Variants in SNX18 observed in about 807,000 individuals in gnomAD.
SNX18 encodes sorting nexin 18.
SNX18 carries 35 observed loss-of-function variants against 48.7 expected under a neutral mutation model. The observed-to-expected ratio is 0.72, with a 90% CI of 0.55 to 0.95. SNX18 has a LOEUF of 0.95. Ranked by LOEUF, SNX18 falls within the 40% of genes least tolerant of loss-of-function variation. SNX18 has a pLI of 0.00. For missense variants in SNX18, 824 were observed against 871.0 expected (o/e 0.95, Z 0.68); for synonymous variants, 492 against 384.7 (o/e 1.28, Z -3.26).
At chr5:54,641,985 A>G in the SNX18 span, among the ~76,000 whole-genome samples, 110 of 152,236 alleles carry the variant, frequency 7.2e-4, no homozygotes, top group Non-Finnish European at 1.5e-4. Flanking sequence ...TTGAAAAATC[A>G]GACAGTGATT....
chr5:54,585,896 T>A, the SNX18 span, among the ~76,000 whole-genome samples: 1 of 150,632 alleles, frequency 6.6e-6, no homozygotes, highest in Non-Finnish European at 1.5e-5. Flanking sequence ...TCCCAGCTAC[T>A]AGGAAGGCTG....
chr5:54,590,780 C>T, the SNX18 span, among the ~76,000 whole-genome samples: 51,242 of 152,100 alleles, frequency 0.34, 10,029 homozygotes, highest in Non-Finnish European at 0.42. Context: ...CCTGTCCACA[C>T]GGCTAGTGTG....
At chr5:54,642,791 T>C in the SNX18 span, among the ~76,000 whole-genome samples, 10 of 152,210 alleles carry the variant, frequency 6.6e-5, no homozygotes, top group Non-Finnish European at 1.5e-4. Context: ...AGAAAATCAA[T>C]ACATTTGCTC....
the SNX18 span, among the ~76,000 whole-genome samples, chr5:54,576,542 C>T: frequency 4.6e-5 from 7 of 152,188 alleles, no homozygotes; most frequent in Non-Finnish European, 7.3e-5. Context: ...TTTGCCCTAA[C>T]GGCACTGGTG....
chr5:54,540,493 A>C (rs1272024330), intron 1 of SNX18, among the ~76,000 whole-genome samples: 1 of 152,200 alleles, frequency 6.6e-6, no homozygotes, highest in Non-Finnish European at 1.5e-5. Flanking sequence ...CCGGGATTTT[A>C]GGCATAAGCC....
At chr5:54,551,917 T>G in the SNX18 span, among the ~76,000 whole-genome samples, 1 of 152,186 alleles carries the variant, frequency 6.6e-6, no homozygotes, top group African/African-American at 2.4e-5. Flanking sequence ...CAATCCTAAA[T>G]TGCCCTCTAT....
At chr5:54,582,376 A>T in the SNX18 span, among the ~76,000 whole-genome samples, 1 of 152,186 alleles carries the variant, frequency 6.6e-6, no homozygotes, top group African/African-American at 2.4e-5. Context: ...ATGAGCATTG[A>T]CTAGAAAAGC....
intron 1 of SNX18, chr5:54,521,059 G>A (rs1395627720): frequency 1.3e-5 from 2 of 155,182 alleles, no homozygotes; most frequent in Non-Finnish European, 2.9e-5. Context: ...TTTTTGACTG[G>A]TGTTGGTGGA....
the SNX18 span, among the ~76,000 whole-genome samples, chr5:54,622,619 T>C: frequency 6.8e-6 from 1 of 148,020 alleles, no homozygotes; most frequent in South Asian, 2.1e-4. Flanking sequence ...TAAATATATA[T>C]AAGTATATAT....
chr5:54,541,794 G>A (rs1009114509), intron 1 of SNX18, among the ~76,000 whole-genome samples: 30 of 152,114 alleles, frequency 2.0e-4, no homozygotes, highest in Non-Finnish European at 3.5e-4. Flanking sequence ...CATTTCTCAG[G>A]TCTTTGAACT....
At chr5:54,639,127 A>G in the SNX18 span, among the ~76,000 whole-genome samples, 1 of 152,178 alleles carries the variant, frequency 6.6e-6, no homozygotes, top group African/African-American at 2.4e-5. Flanking sequence ...TGAGTTTCCT[A>G]ACTTAGTCCT....
chr5:54,548,607 G>A (rs147004501), downstream of SNX18, among the ~76,000 whole-genome samples: 890 of 152,328 alleles, frequency 5.8e-3, 10 homozygotes, highest in African/African-American at 0.02. Context: ...GACTTAGATT[G>A]TATTGAATTA....
the SNX18 span, among the ~76,000 whole-genome samples, chr5:54,607,160 C>A: frequency 5.3e-5 from 8 of 152,000 alleles, no homozygotes; most frequent in African/African-American, 1.7e-4. Flanking sequence ...AGCTTTTATA[C>A]CCCACTCTTC....
the SNX18 span, among the ~76,000 whole-genome samples, chr5:54,566,427 G>A: frequency 7.7e-4 from 118 of 152,308 alleles, no homozygotes; most frequent in Admixed American, 2.1e-3. Flanking sequence ...CCAGTACAGG[G>A]CATCTCGCCA....
the SNX18 span, among the ~76,000 whole-genome samples, chr5:54,630,829 C>CAAA: frequency 0.014 from 1,365 of 94,420 alleles, 31 homozygotes; most frequent in African/African-American, 0.05. Context: ...AAGACTCAGT[C>CAAA]AAAAAAAAAA....
chr5:54,582,297 T>C, the SNX18 span, among the ~76,000 whole-genome samples: 1 of 152,202 alleles, frequency 6.6e-6, no homozygotes, highest in East Asian at 1.9e-4. Flanking sequence ...TGGTAGCAGA[T>C]GCCTGTATCC....
the SNX18 span, among the ~76,000 whole-genome samples, chr5:54,602,166 T>A: frequency 6.6e-6 from 1 of 152,170 alleles, no homozygotes. Context: ...AGGAGATTTT[T>A]AAGTACAGAG....
the SNX18 span, among the ~76,000 whole-genome samples, chr5:54,573,044 T>C: frequency 6.6e-6 from 1 of 151,856 alleles, no homozygotes; most frequent in Non-Finnish European, 1.5e-5. Flanking sequence ...ATTAATAATG[T>C]TTGCTAAACA....
the SNX18 span, chr5:54,645,875 T>C: frequency 6.6e-6 from 1 of 152,226 alleles, no homozygotes; most frequent in Non-Finnish European, 1.5e-5. Context: ...TCTACAAACA[T>C]TCTGAAGTTG....
Sources: allele counts gnomAD v4.1 joint callset (sites outside exome capture counted in the v4.1 genomes callset), GRCh38; gene constraint gnomAD v4.1.1; transcripts MANE v1.5; gene names NCBI Gene and HGNC (gene_info 2026-07-23, HGNC 2026-07-21).